The following GLS variants were observed in gnomAD, a reference collection of about 807,000 sequenced individuals.
GLS encodes glutaminase.
In GLS, 36 loss-of-function variants were observed where a neutral mutation model predicts 86.7. That is an observed-to-expected ratio of 0.42 (90% CI 0.32 to 0.55). The LOEUF (loss-of-function observed/expected upper bound fraction) is 0.55. GLS is among the 20% of genes least tolerant of loss of function. The probability of loss-of-function intolerance (pLI) is 0.17; values close to 1 mark genes in which losing one functional copy is unlikely to be tolerated. For missense variants in GLS, 528 were observed against 833.4 expected, an observed-to-expected ratio of 0.63 and a Z score of 4.51; for synonymous variants, 317 against 305.9, an observed-to-expected ratio of 1.04 and a Z score of -0.38.
chr2:190,933,417 T>C (rs955102390), intron 14 of GLS: 1 of 851,774 alleles, frequency 1.2e-6, no homozygotes, highest in Non-Finnish European at 1.4e-6. Flanking sequence ...TTTTTGGTGA[T>C]AGATTGGCTT....
chr2:190,927,148 C>T (rs1218842638), intron 11 of GLS, 158 bp from the exon 12 acceptor site: 3 of 622,562 alleles, frequency 4.8e-6, no homozygotes, highest in Non-Finnish European at 7.8e-6. Context: ...GGACTTCGGT[C>T]AACTAAAATC....
intron 12 of GLS, among the ~76,000 whole-genome samples, chr2:190,928,904 T>TG (rs1689999993): frequency 7.5e-6 from 1 of 132,652 alleles, no homozygotes; most frequent in Non-Finnish European, 1.6e-5. Context: ...TTTTTTTTTT[T>TG]TTTTTTTTTT....
rs777735838 is a variant in GLS at position 190,947,464 on chromosome 2, C to T, written c.1651-6101C>T. ...AAATGCAGTAGTGCTGGAAAATCTA[C>T]AAGATGAAGGGGAAACTGTTAACAG... On this transcript the variant is annotated intron_variant, in intron 14 of 17. Transcript: ENST00000320717. This position sits in a 1 kb window ranked among gnomAD's most constrained non-coding sequence, Gnocchi z 5.0. Among the ~76,000 whole-genome samples, 1 of 152,114 alleles carries T rather than the reference C, an allele frequency of 6.6e-6. No homozygotes were observed. The highest frequency in any genetic ancestry group is 1.5e-5 in the Non-Finnish European group (1 of 68,018).
rs1442912207 is a variant in GLS at position 190,953,161 on chromosome 2, A to AT, written c.1651-401dup. Among the ~76,000 whole-genome samples the AT allele has an allele frequency of 1.3e-5, 2 of 152,240 alleles. No individual in the cohort carries two copies. Among genetic ancestry groups the AT allele is most frequent in the African/African-American group, 4.8e-5 (2 of 41,462 alleles). On this transcript the variant is annotated intron_variant, in intron 14 of 17. Coordinates refer to ENST00000320717, the MANE Select transcript of GLS (RefSeq NM_014905.5). This position sits in a 1 kb window ranked among gnomAD's most constrained non-coding sequence, Gnocchi z 4.0. ...TAGTGATTCTTGGCAGGGATTAGAC[A>AT]TTTATATAGCATGATTTAATTTTTA...
At chr2:190,915,084 AG>A in intron 7 of GLS, among the ~76,000 whole-genome samples, 1 of 151,318 alleles carries the variant, frequency 6.6e-6, no homozygotes, top group African/African-American at 2.4e-5. Context: ...TCTGCCTCCC[AG>A]GTTCACGCCA....
intron 14 of GLS, among the ~76,000 whole-genome samples, chr2:190,941,972 C>T (rs1027158095): frequency 7.9e-5 from 12 of 151,084 alleles, no homozygotes; most frequent in African/African-American, 2.9e-4. Flanking sequence ...GTAGGTTGTC[C>T]TCAGGACACA....
In GLS at chr2:190,953,582, T is replaced by C; in HGVS notation, c.1668T>C (p.Asn556=). The C allele has an allele frequency of 6.2e-7, 1 of 1,611,248 alleles. No individual in the cohort carries two copies. The highest frequency in any genetic ancestry group is 8.5e-7 in the Non-Finnish European group (1 of 1,177,434). Residue 556 remains asparagine, a synonymous_variant, in exon 15 of 18, where the codon AAT becomes AAC. Transcript: ENST00000320717. The surrounding 1 kb of genome is among the most constrained non-coding windows in gnomAD (Gnocchi z 4.0). ...GGDQRVKSVI[N]LLFAAYTGDV... ...CTTCACAGGTAAAGTCAGTGATAAA[T>C]CTTTTGTTTGCTGCATATACTGGAG...
At chr2:190,886,004 C>T (rs1052263209) in intron 1 of GLS, among the ~76,000 whole-genome samples, 4 of 151,752 alleles carry the variant, frequency 2.6e-5, no homozygotes, top group Admixed American at 6.6e-5. Flanking sequence ...CCCCATGTAG[C>T]TGGGACTTAC....
rs1453149182 is a variant in GLS at position 190,880,869 on chromosome 2, G to T, written c.-216G>T. 2.1e-4 allele frequency: 151 copies of T among 732,504 alleles called. 9 individuals carry two copies. In the South Asian group the frequency reaches 2.2e-3, roughly 10 times the overall value. 45.4% of individuals were successfully genotyped at this position (732,504 alleles called of 1,614,324 possible). A position where few individuals can be genotyped will look rare whatever the true frequency, so the allele number is the denominator to read the frequency against. ...AAGAGAACCGGTCGCGGCAATCCTAGCGCGCAGCAGCAGCAGCAGCAGCAG... is the reference window on the plus strand; with the variant it reads ...AAGAGAACCGGTCGCGGCAATCCTATCGCGCAGCAGCAGCAGCAGCAGCAG... On this transcript the variant is annotated 5_prime_UTR_variant, in exon 1 of 18. Transcript: ENST00000320717.
At position 190,933,710 on chromosome 2, in the gene GLS, GTTATA is replaced by G. The variant is rs1267345422; in HGVS notation, c.1650+2076_1650+2080del. The G allele has an allele frequency of 5.6e-6, 5 of 895,382 alleles. No homozygotes were observed. In the East Asian group the frequency reaches 6.0e-4, roughly 107 times the overall value. 55.5% of individuals were successfully genotyped at this position (895,382 alleles called of 1,614,324 possible). On this transcript the variant is annotated intron_variant, in intron 14 of 17. Transcript: ENST00000320717. ...ATATTATCCACATAACTTTTTCTATGTTATATTTAAATATGAATGGCAAATTTTGG... is the reference window on the plus strand; with the variant it reads ...ATATTATCCACATAACTTTTTCTATGTTTAAATATGAATGGCAAATTTTGG...
chr2:190,953,706 A>G lies in GLS; in HGVS notation c.1712+80A>G. On this transcript the variant is annotated intron_variant, in intron 15 of 17. Transcript: ENST00000320717. The surrounding 1 kb of genome is among the most constrained non-coding windows in gnomAD (Gnocchi z 4.0). Reference sequence around the variant, plus strand: ...CTGGGCGAGCAGCCATTTTAAGGTTAAAGTCTCACTTTTCTTTCCCTTTGA... The same window carrying G: ...CTGGGCGAGCAGCCATTTTAAGGTTGAAGTCTCACTTTTCTTTCCCTTTGA... 1.0e-6 allele frequency: 1 copy of G among 963,070 alleles called. No individual in the cohort carries two copies. Among genetic ancestry groups the G allele is most frequent in the Non-Finnish European group, 1.6e-6 (1 of 613,534 alleles). The allele number at this position is 963,070 out of a possible 1,614,324, so 59.7% of individuals were successfully genotyped here.
rs1690338089 is a variant in GLS, at chr2:190,938,486, T to G, written c.1650+6849T>G. Among the ~76,000 whole-genome samples, 1 of 151,666 alleles carries G rather than the reference T, an allele frequency of 6.6e-6. No individual in the cohort carries two copies. Among genetic ancestry groups the G allele is most frequent in the Non-Finnish European group, 1.5e-5 (1 of 67,600 alleles). ...AACCTTTCTAGAATTTTGATGTACT[T>G]TTATTTACCATAATCTTATATATTT... On this transcript the variant is annotated intron_variant, in intron 14 of 17. Coordinates refer to ENST00000320717, the MANE Select transcript of GLS (RefSeq NM_014905.5). The surrounding 1 kb of genome is among the most constrained non-coding windows in gnomAD (Gnocchi z 4.1).
At position 190,951,081 on chromosome 2, in the gene GLS, A is replaced by G. The variant is rs1276481666; in HGVS notation, c.1651-2484A>G. ...GAAGTCAGTGTGCCCAGAGGAATAG[A>G]TGAATTCTTTGAGGGACATTATATT... On this transcript the variant is annotated intron_variant, in intron 14 of 17. Coordinates refer to ENST00000320717, the MANE Select transcript of GLS (RefSeq NM_014905.5). This position sits in a 1 kb window ranked among gnomAD's most constrained non-coding sequence, Gnocchi z 4.2. 6.6e-6 allele frequency among the ~76,000 whole-genome samples: 1 copy of G among 152,196 alleles called. No individual in the cohort carries two copies. Among genetic ancestry groups the G allele is most frequent in the Non-Finnish European group, 1.5e-5 (1 of 68,050 alleles).
intron 14 of GLS, among the ~76,000 whole-genome samples, chr2:190,945,194 T>C (rs1041446451): frequency 3.3e-5 from 5 of 152,192 alleles, no homozygotes; most frequent in African/African-American, 1.2e-4. Flanking sequence ...ATAACAGAAA[T>C]AACATTTGGA....
chr2:190,936,785 G>A (rs895285348), intron 14 of GLS, among the ~76,000 whole-genome samples: 5 of 151,208 alleles, frequency 3.3e-5, no homozygotes, highest in African/African-American at 1.2e-4. Flanking sequence ...CTTATATTGA[G>A]CAGTTTATGG....
At chr2:190,884,986 A>G (rs1454595826) in intron 1 of GLS, among the ~76,000 whole-genome samples, 4 of 152,248 alleles carry the variant, frequency 2.6e-5, no homozygotes, top group African/African-American at 7.2e-5. Flanking sequence ...GCATATCTAC[A>G]TGAAGTCGTG....
chr2:190,892,432 ATTG>A (rs774910669), intron 1 of GLS, among the ~76,000 whole-genome samples: 11 of 152,234 alleles, frequency 7.2e-5, no homozygotes, highest in South Asian at 2.1e-4. Flanking sequence ...GTTATTAATA[ATTG>A]TTGATGATAA....
chr2:190,954,284 C>T lies in GLS; in HGVS notation c.1713-300C>T, dbSNP rs1196603615. ...TTTCTTGCCCTTATGAGACATAAAC[C>T]TTGGTACACAGTTGTGCCATAATTC... On this transcript the variant is annotated intron_variant, in intron 15 of 17. Coordinates refer to ENST00000320717, the MANE Select transcript of GLS (RefSeq NM_014905.5). This position sits in a 1 kb window ranked among gnomAD's most constrained non-coding sequence, Gnocchi z 4.0. Among the ~76,000 whole-genome samples the T allele has an allele frequency of 2.0e-5, 3 of 151,906 alleles. No individual in the cohort carries two copies. The highest frequency in any genetic ancestry group is 4.4e-5 in the Non-Finnish European group (3 of 68,004).
Position 190,921,945 on chromosome 2 carries a change from G to A in GLS, c.1130+742G>A, listed in dbSNP as rs1689751315. On this transcript the variant is annotated intron_variant, in intron 9 of 17. Coordinates refer to ENST00000320717, the MANE Select transcript of GLS (RefSeq NM_014905.5). The surrounding 1 kb of genome is among the most constrained non-coding windows in gnomAD (Gnocchi z 4.2). ...GTTCTTACATTGTATTTATTACGATGTCTGTTTTGTCTCTTTACTTAGAAC... is the reference window on the plus strand; with the variant it reads ...GTTCTTACATTGTATTTATTACGATATCTGTTTTGTCTCTTTACTTAGAAC... Among the ~76,000 whole-genome samples the A allele has an allele frequency of 6.6e-6, 1 of 152,064 alleles. No homozygotes were observed. Among genetic ancestry groups the A allele is most frequent in the African/African-American group, 2.4e-5 (1 of 41,442 alleles).
Sources: allele counts gnomAD v4.1 joint callset (sites outside exome capture counted in the v4.1 genomes callset), GRCh38; gene constraint gnomAD v4.1.1; non-coding constraint Gnocchi (gnomAD v3.1); transcripts MANE v1.5; gene names NCBI Gene and HGNC (gene_info 2026-07-23, HGNC 2026-07-21).